Variants in PSMA1 observed in about 807,000 individuals in gnomAD.
PSMA1 encodes proteasome 20S subunit alpha 1.
PSMA1 carries 3 observed loss-of-function variants against 38.4 expected under a neutral mutation model. That is an observed-to-expected ratio of 0.08 (90% CI 0.04 to 0.20). PSMA1 has a LOEUF of 0.20. PSMA1 is among the 10% of genes least tolerant of loss of function. The pLI, the probability that PSMA1 is intolerant of heterozygous loss-of-function variation, is 1.00. For synonymous variants in PSMA1, 101 were observed against 107.1 expected (o/e 0.94, Z 0.35); for missense variants, 227 against 325.3 (o/e 0.70, Z 2.32).
chr11:14,562,269 C>A (rs1315559568), intron 2 of PSMA1, among the ~76,000 whole-genome samples: 4 of 152,232 alleles, frequency 2.6e-5, no homozygotes, highest in Admixed American at 6.5e-5. Flanking sequence ...TGAGGTCCAG[C>A]TGTTCTCTGT....
At chr11:14,624,393 T>C (rs1184113554) in intron 1 of PSMA1, among the ~76,000 whole-genome samples, 1 of 152,176 alleles carries the variant, frequency 6.6e-6, no homozygotes, top group Admixed American at 6.5e-5. Context: ...GAGACCTCTA[T>C]ATGGTACCAT....
chr11:14,522,358 G>A (rs1473695003), upstream of PSMA1, among the ~76,000 whole-genome samples: 1 of 152,084 alleles, frequency 6.6e-6, no homozygotes, highest in Non-Finnish European at 1.5e-5. Flanking sequence ...CCTATTGTGT[G>A]CATAATTACC....
intron 7 of PSMA1, 44 bp downstream of exon 7, chr11:14,513,525 GA>G: frequency 7.6e-7 from 1 of 1,316,810 alleles, no homozygotes. Context: ...ATATAGACTG[GA>G]AAAGGCAAAA....
intron 2 of PSMA1, among the ~76,000 whole-genome samples, chr11:14,607,120 G>T: frequency 6.6e-6 from 1 of 152,252 alleles, no homozygotes; most frequent in East Asian, 1.9e-4. Context: ...AAAGTCACCA[G>T]TGTTTCCCTG....
chr11:14,586,535 A>G (rs967863715), intron 2 of PSMA1, among the ~76,000 whole-genome samples: 3 of 152,208 alleles, frequency 2.0e-5, no homozygotes, highest in Non-Finnish European at 4.4e-5. Flanking sequence ...GTACACATAT[A>G]TGATAGGTAT....
At chr11:14,523,554 G>A (rs1298005367), upstream of PSMA1, among the ~76,000 whole-genome samples, 1 of 150,694 alleles carries the variant, frequency 6.6e-6, no homozygotes, top group Non-Finnish European at 1.5e-5. Flanking sequence ...TTACAGGAGT[G>A]AGCCACCATA....
chr11:14,581,546 A>G (rs751656312), intron 2 of PSMA1, among the ~76,000 whole-genome samples: 1 of 152,210 alleles, frequency 6.6e-6, no homozygotes, highest in Non-Finnish European at 1.5e-5. Context: ...TATCTATGTT[A>G]TAACTATTCA....
intron 2 of PSMA1, among the ~76,000 whole-genome samples, chr11:14,526,842 G>A (rs1851591208): frequency 1.3e-5 from 2 of 151,856 alleles, no homozygotes; most frequent in Admixed American, 6.6e-5. Flanking sequence ...AGGCCTAATC[G>A]CCACTCACCA....
intron 2 of PSMA1, 74 bp downstream of exon 2, chr11:14,518,923 C>A: frequency 1.7e-6 from 2 of 1,189,122 alleles, no homozygotes; most frequent in Non-Finnish European, 2.4e-6. Context: ...CAAGCCTACG[C>A]TCTCACAAGT....
At chr11:14,591,864 G>A (rs1028980899) in intron 2 of PSMA1, among the ~76,000 whole-genome samples, 8 of 152,054 alleles carry the variant, frequency 5.3e-5, no homozygotes, top group African/African-American at 9.7e-5. Flanking sequence ...CAACCCGCTC[G>A]GGTCCCCTTC....
chr11:14,591,345 ACCCACTCTGTGGGTTCCTGGG>A (rs1252150408), intron 2 of PSMA1, among the ~76,000 whole-genome samples: 2 of 152,122 alleles, frequency 1.3e-5, no homozygotes, highest in East Asian at 3.9e-4. Flanking sequence ...TGAGCCTCCC[ACCCACTCTGTGGGTTCCTGGG>A]CAGCTGGAGC....
intron 2 of PSMA1, among the ~76,000 whole-genome samples, chr11:14,527,519 T>C (rs1851600370): frequency 6.6e-6 from 1 of 152,174 alleles, no homozygotes; most frequent in East Asian, 1.9e-4. Flanking sequence ...CAGTGTTCCA[T>C]CTGCTATTCT....
At chr11:14,613,517 G>A (rs1443413518) in intron 1 of PSMA1, among the ~76,000 whole-genome samples, 1 of 152,112 alleles carries the variant, frequency 6.6e-6, no homozygotes, top group African/African-American at 2.4e-5. Flanking sequence ...GCCTCCCAAA[G>A]TGCTGGGATT....
intron 7 of PSMA1, among the ~76,000 whole-genome samples, chr11:14,512,713 T>C (rs938203133): frequency 1.3e-5 from 2 of 152,228 alleles, no homozygotes; most frequent in Admixed American, 6.5e-5. Flanking sequence ...TTTTCCTTAA[T>C]GATCCACCTA....
intron 1 of PSMA1, among the ~76,000 whole-genome samples, chr11:14,623,485 A>T (rs1424911225): frequency 1.3e-5 from 2 of 152,232 alleles, no homozygotes; most frequent in African/African-American, 4.8e-5. Flanking sequence ...GGAAATAGCC[A>T]ATGTCCTGGC....
At chr11:14,532,476 A>T (rs965623049) in intron 2 of PSMA1, among the ~76,000 whole-genome samples, 1 of 151,936 alleles carries the variant, frequency 6.6e-6, no homozygotes, top group Non-Finnish European at 1.5e-5. Flanking sequence ...GTAGTGGCAC[A>T]TGCCTGTAGT....
chr11:14,543,076 C>G (rs922326936), intron 2 of PSMA1, among the ~76,000 whole-genome samples: 3 of 152,166 alleles, frequency 2.0e-5, no homozygotes, highest in African/African-American at 7.2e-5. Flanking sequence ...GGCAATCCAC[C>G]CACCTTGGCC....
intron 2 of PSMA1, among the ~76,000 whole-genome samples, chr11:14,539,142 C>T (rs148456337): frequency 0.016 from 2,404 of 152,256 alleles, 33 homozygotes; most frequent in Admixed American, 0.033. Context: ...CACTTGAAGG[C>T]AACATTTCTC....
At chr11:14,510,623 A>C (rs767577712) in intron 8 of PSMA1, among the ~76,000 whole-genome samples, 6 of 152,226 alleles carry the variant, frequency 3.9e-5, no homozygotes, top group Non-Finnish European at 7.3e-5. Flanking sequence ...AATAATACCA[A>C]GATATGCCAA....
Sources: gnomAD v4.1 joint callset for allele counts (sites outside exome capture counted in the v4.1 genomes callset) on GRCh38, gnomAD v4.1.1 for gene constraint, MANE v1.5 for transcripts, NCBI Gene and HGNC (gene_info 2026-07-23, HGNC 2026-07-21) for gene names.